Variants in ZBTB7C observed in about 807,000 individuals in gnomAD.
The protein encoded by ZBTB7C is zinc finger and BTB domain containing 7C, also known as zinc finger and BTB domain-containing protein 7C.
A neutral mutation model predicts 25.7 loss-of-function variants in ZBTB7C; 8 were observed. The ratio of observed to expected loss-of-function variants is 0.31; its 90% CI spans 0.18 to 0.56. The LOEUF (loss-of-function observed/expected upper bound fraction) is 0.56, where lower values mean the gene tolerates loss of function less well. Among genes scored for constraint, ZBTB7C ranks in the 20% least tolerant of loss-of-function variants. ZBTB7C has a pLI of 0.91. For missense variants in ZBTB7C, 824 were observed against 855.2 expected (o/e 0.96, Z 0.46); for synonymous variants, 394 against 369.0 (o/e 1.07, Z -0.78).
At chr18:48,075,226 G>T (rs951370038) in intron 3 of ZBTB7C, among the ~76,000 whole-genome samples, 1 of 152,204 alleles carries the variant, frequency 6.6e-6, no homozygotes, top group Non-Finnish European at 1.5e-5. Flanking sequence ...CTGCCAAACA[G>T]CTCCTCAAGG....
chr18:48,135,720 G>A (rs1392140642), intron 3 of ZBTB7C, among the ~76,000 whole-genome samples: 2 of 152,204 alleles, frequency 1.3e-5, no homozygotes, highest in East Asian at 3.9e-4. Context: ...GAACCTGGCA[G>A]AGCCTTTACC....
chr18:48,234,647 T>A (rs916885414), intron 2 of ZBTB7C, among the ~76,000 whole-genome samples: 8 of 152,230 alleles, frequency 5.3e-5, no homozygotes, highest in African/African-American at 1.9e-4. Flanking sequence ...GTTTTGGGAA[T>A]TGCTCATGTG....
chr18:48,099,874 G>C lies in ZBTB7C; in HGVS notation c.-16-58751C>G, dbSNP rs987635462. On this transcript the variant is annotated intron_variant, in intron 3 of 4. Transcript: ENST00000590800. ...TCACTTAAGACAAACCTAATAAAAG[G>C]CTCAAAGTGCCTCCCCCAGACGTAT... is the stretch of plus-strand genomic sequence containing the variant. Among the ~76,000 whole-genome samples the C allele has an allele frequency of 7.9e-5, 12 of 152,272 alleles. No individual in the cohort carries two copies. In the South Asian group the frequency reaches 2.1e-3, roughly 26 times the overall value.
chr18:48,170,528 C>A (rs1277214356), intron 3 of ZBTB7C, among the ~76,000 whole-genome samples: 1 of 152,208 alleles, frequency 6.6e-6, no homozygotes, highest in Non-Finnish European at 1.5e-5. Context: ...AAACCCGGGG[C>A]AGCCTCAGGG....
At chr18:48,068,408 G>T (rs1398656474) in intron 3 of ZBTB7C, among the ~76,000 whole-genome samples, 3 of 151,832 alleles carry the variant, frequency 2.0e-5, no homozygotes, top group East Asian at 1.9e-4. Context: ...CAAAGTTCTG[G>T]GATTACAGAT....
chr18:48,316,666 C>T (rs539305321), intron 2 of ZBTB7C, among the ~76,000 whole-genome samples: 1 of 152,298 alleles, frequency 6.6e-6, no homozygotes, highest in African/African-American at 2.4e-5. Context: ...TGCCAGCTCC[C>T]CTTGCCTGCC....
At chr18:48,192,053 T>A (rs935339814) in intron 2 of ZBTB7C, among the ~76,000 whole-genome samples, 8 of 152,204 alleles carry the variant, frequency 5.3e-5, no homozygotes, top group African/African-American at 1.9e-4. Flanking sequence ...AGGCTGTCCT[T>A]CAGTAGCTGA....
chr18:48,275,293 C>T (rs879584742), intron 2 of ZBTB7C, among the ~76,000 whole-genome samples: 3 of 152,204 alleles, frequency 2.0e-5, no homozygotes, highest in East Asian at 1.9e-4. Context: ...AGACTATCAT[C>T]GAAGTGGTTT....
At chr18:48,045,111 C>G (rs1362015889) in intron 3 of ZBTB7C, among the ~76,000 whole-genome samples, 2 of 152,184 alleles carry the variant, frequency 1.3e-5, no homozygotes, top group Non-Finnish European at 2.9e-5. Flanking sequence ...CTTAGGGATG[C>G]CTTTGTGGTG....
chr18:48,029,343 C>T lies in ZBTB7C; in HGVS notation c.1777G>A (p.Asp593Asn). 4 of 1,543,254 alleles carry T rather than the reference C, an allele frequency of 2.6e-6. No individual in the cohort carries two copies. Among genetic ancestry groups the T allele is most frequent in the East Asian group, 2.4e-5 (1 of 41,038 alleles). The change falls in exon 5 of 5, where the codon GAC (aspartate) becomes AAC (asparagine). Residue 593 changes from aspartate to asparagine, a missense_variant. By Grantham distance (23) the Asp-to-Asn change is conservative. Transcript: ENST00000590800. ...CCGGCCAGGCCGGCGGCCCAAGGGT[C>T]GGGCAGCGGGAAGTAGGGCCGCGCC... Reference protein sequence around the residue: ...AAARPYFPLPDPWAAGLAGLP... With the variant: ...AAARPYFPLPNPWAAGLAGLP...
chr18:48,408,680 A>G (rs2048337553), intron 1 of ZBTB7C: 1 of 152,112 alleles, frequency 6.6e-6, no homozygotes, highest in Non-Finnish European at 1.5e-5. Context: ...GGAAAACGTC[A>G]CTCACCAAAA....
At chr18:48,188,286 CA>C (rs148261482) in intron 2 of ZBTB7C, among the ~76,000 whole-genome samples, 11,420 of 152,246 alleles carry the variant, frequency 0.075, 684 homozygotes, top group Admixed American at 0.2. Flanking sequence ...CACAGTTCTG[CA>C]TGGCTGGGGA....
chr18:48,347,507 T>G (rs1014358507), intron 1 of ZBTB7C, among the ~76,000 whole-genome samples: 1 of 151,988 alleles, frequency 6.6e-6, no homozygotes, highest in African/African-American at 2.4e-5. Context: ...GAGCAACACG[T>G]GTGCACCCAC....
chr18:48,144,434 C>T (rs1174581151), intron 3 of ZBTB7C, among the ~76,000 whole-genome samples: 2 of 152,120 alleles, frequency 1.3e-5, no homozygotes, highest in East Asian at 3.9e-4. Flanking sequence ...GCCTCAACCT[C>T]CCAGACTCAA....
intron 3 of ZBTB7C, among the ~76,000 whole-genome samples, chr18:48,072,945 C>A (rs1224184834): frequency 6.6e-6 from 1 of 152,194 alleles, no homozygotes; most frequent in Non-Finnish European, 1.5e-5. Context: ...CCCCTCCAGG[C>A]CACAGCCCCA....
At chr18:48,376,948 C>T (rs1045441054) in intron 1 of ZBTB7C, among the ~76,000 whole-genome samples, 4 of 152,234 alleles carry the variant, frequency 2.6e-5, no homozygotes, top group South Asian at 4.1e-4. Context: ...ATCCCCACCA[C>T]AGTCTCCATA....
At chr18:48,387,948 T>G (rs772947954) in intron 1 of ZBTB7C, among the ~76,000 whole-genome samples, 6 of 152,146 alleles carry the variant, frequency 3.9e-5, no homozygotes, top group Non-Finnish European at 7.4e-5. Flanking sequence ...TGCCTCAGCC[T>G]CCAGAGTACC....
At chr18:48,135,010 T>C (rs535669850) in intron 3 of ZBTB7C, among the ~76,000 whole-genome samples, 37 of 152,264 alleles carry the variant, frequency 2.4e-4, no homozygotes, top group Admixed American at 1.8e-3. Context: ...TTCCTCTCCT[T>C]CCTTCTCCCT....
chr18:48,145,093 G>A (rs1340200431), intron 3 of ZBTB7C, among the ~76,000 whole-genome samples: 1 of 152,094 alleles, frequency 6.6e-6, no homozygotes, highest in Non-Finnish European at 1.5e-5. Flanking sequence ...GGGCATCTTT[G>A]TTGGGGAGAA....
Sources: gnomAD v4.1 joint callset for allele counts (sites outside exome capture counted in the v4.1 genomes callset) on GRCh38, gnomAD v4.1.1 for gene constraint, MANE v1.5 for transcripts, NCBI Gene and HGNC (gene_info 2026-07-23, HGNC 2026-07-21) for gene names.